The following LRIF1 variants were observed in gnomAD, a reference collection of about 807,000 sequenced individuals.
LRIF1 encodes the protein ligand dependent nuclear receptor interacting factor 1, also known as ligand-dependent nuclear receptor-interacting factor 1.
LRIF1 carries 32 observed loss-of-function variants against 52.7 expected under a neutral mutation model. The observed-to-expected ratio is 0.61, with a 90% CI of 0.46 to 0.82. LRIF1 has a LOEUF of 0.82. Among genes scored for constraint, LRIF1 ranks in the 40% least tolerant of loss-of-function variants. The pLI is 0.00. For missense variants in LRIF1, 887 were observed against 892.0 expected (o/e 0.99, Z 0.07); for synonymous variants, 323 against 317.4 (o/e 1.02, Z -0.19).
chr1:110,887,293 T>G, the LRIF1 span, among the ~76,000 whole-genome samples: 2 of 152,154 alleles, frequency 1.3e-5, no homozygotes, highest in Non-Finnish European at 2.9e-5. Flanking sequence ...CTCGATCTCC[T>G]GACCTTGTGA....
chr1:110,891,556 G>A, the LRIF1 span: 16 of 907,258 alleles, frequency 1.8e-5, no homozygotes, highest in African/African-American at 4.9e-5. Flanking sequence ...GGCTGGTGTG[G>A]GGTAAAATGC....
chr1:110,916,390 C>T, the LRIF1 span, among the ~76,000 whole-genome samples: 1 of 152,028 alleles, frequency 6.6e-6, no homozygotes, highest in Non-Finnish European at 1.5e-5. Context: ...CACATTACAT[C>T]AACTAATATT....
At chr1:110,893,117 T>A in the LRIF1 span, among the ~76,000 whole-genome samples, 5 of 152,296 alleles carry the variant, frequency 3.3e-5, no homozygotes, top group East Asian at 7.7e-4. Context: ...ACCTTAAGGC[T>A]TAGGTTTTGC....
At chr1:110,895,103 A>T in the LRIF1 span, 1 of 1,383,266 alleles carries the variant, frequency 7.2e-7, no homozygotes, top group South Asian at 1.2e-5. Flanking sequence ...CTTCATTTTC[A>T]AGCCTAAATC....
the LRIF1 span, among the ~76,000 whole-genome samples, chr1:110,918,155 T>A: frequency 1.0e-3 from 157 of 152,196 alleles, 1 homozygote; most frequent in African/African-American, 3.8e-3. Context: ...TACACACACA[T>A]ACAAAACCAA....
At chr1:110,906,679 T>C in the LRIF1 span, among the ~76,000 whole-genome samples, 1 of 152,192 alleles carries the variant, frequency 6.6e-6, no homozygotes, top group African/African-American at 2.4e-5. Context: ...ATCCTGAAGA[T>C]GTATACCCAC....
chr1:110,955,777 C>G (rs1658671415), intron 1 of LRIF1, among the ~76,000 whole-genome samples: 1 of 152,126 alleles, frequency 6.6e-6, no homozygotes, highest in Non-Finnish European at 1.5e-5. Flanking sequence ...TAAATGGAAT[C>G]AAAGAAGGGA....
chr1:110,962,061 T>TACACAC (rs59351644), intron 1 of LRIF1, among the ~76,000 whole-genome samples: 25,277 of 143,688 alleles, frequency 0.18, 2,210 homozygotes, highest in Middle Eastern at 0.22. Flanking sequence ...GAGTTAAGGG[T>TACACAC]ACACACACAC....
At chr1:110,891,352 C>A in the LRIF1 span, 1 of 1,343,520 alleles carries the variant, frequency 7.4e-7, no homozygotes, top group Non-Finnish European at 1.1e-6. Flanking sequence ...GGCTACCTTA[C>A]AGAGTGAGGT....
chr1:110,886,870 T>TATATATA, the LRIF1 span, among the ~76,000 whole-genome samples: 23 of 35,508 alleles, frequency 6.5e-4, no homozygotes, highest in Admixed American at 3.9e-3. Flanking sequence ...TATATATATA[T>TATATATA]TTTTTTTTTC....
chr1:110,914,728 G>C, the LRIF1 span, among the ~76,000 whole-genome samples: 1 of 152,138 alleles, frequency 6.6e-6, no homozygotes, highest in Non-Finnish European at 1.5e-5. Flanking sequence ...ACTCCAGCCT[G>C]GGTGACACAG....
At chr1:110,884,307 G>C in the LRIF1 span, among the ~76,000 whole-genome samples, 2 of 151,986 alleles carry the variant, frequency 1.3e-5, no homozygotes, top group Non-Finnish European at 2.9e-5. Flanking sequence ...CCAATTTGAG[G>C]AAACTTTCTA....
the LRIF1 span, among the ~76,000 whole-genome samples, chr1:110,936,184 TACA>T: frequency 6.6e-6 from 1 of 152,128 alleles, no homozygotes; most frequent in East Asian, 1.9e-4. Flanking sequence ...AGGTCTATTC[TACA>T]ACAATGCTAA....
chr1:110,893,090 G>A, the LRIF1 span, among the ~76,000 whole-genome samples: 1 of 152,162 alleles, frequency 6.6e-6, no homozygotes, highest in Admixed American at 6.5e-5. Context: ...TCCCTATCAG[G>A]TACTATCCTG....
the LRIF1 span, among the ~76,000 whole-genome samples, chr1:110,931,925 T>C: frequency 6.6e-6 from 1 of 151,274 alleles, no homozygotes; most frequent in East Asian, 2.0e-4. Flanking sequence ...TTTTCTCCCA[T>C]TCTGTAGGTT....
chr1:110,940,501 A>T, the LRIF1 span: 1 of 152,202 alleles, frequency 6.6e-6, no homozygotes. Flanking sequence ...AAAAAAAGAA[A>T]TCAGTATATT....
chr1:110,941,189 C>A, the LRIF1 span: 1 of 151,914 alleles, frequency 6.6e-6, no homozygotes, highest in South Asian at 2.1e-4. Flanking sequence ...TAAATGTGCT[C>A]ATTACTCTGA....
chr1:110,882,038 T>C, the LRIF1 span, among the ~76,000 whole-genome samples: 2 of 152,236 alleles, frequency 1.3e-5, no homozygotes, highest in African/African-American at 4.8e-5. Flanking sequence ...CCTGTGTGAT[T>C]TGGAAATATT....
intron 1 of LRIF1, among the ~76,000 whole-genome samples, chr1:110,961,598 T>C (rs1003699763): frequency 6.6e-6 from 1 of 152,180 alleles, no homozygotes; most frequent in African/African-American, 2.4e-5. Context: ...CAATATACAA[T>C]TCTGTATTAT....
Sources: gnomAD v4.1 joint callset for allele counts (sites outside exome capture counted in the v4.1 genomes callset) on GRCh38, gnomAD v4.1.1 for gene constraint, MANE v1.5 for transcripts, NCBI Gene and HGNC (gene_info 2026-07-23, HGNC 2026-07-21) for gene names.